NTRK1: variants seen among roughly 807,000 people sequenced by gnomAD.
NTRK1 encodes high affinity nerve growth factor receptor.
In NTRK1, 62 loss-of-function variants were observed where a neutral mutation model predicts 86.8. The ratio of observed to expected loss-of-function variants is 0.71; its 90% CI spans 0.58 to 0.88. NTRK1 has a LOEUF of 0.88. Ranked by LOEUF, NTRK1 falls within the 40% of genes least tolerant of loss-of-function variation. The pLI is 0.00. For missense variants in NTRK1, 967 were observed against 1,078.4 expected, an observed-to-expected ratio of 0.90 and a Z score of 1.45; for synonymous variants, 469 against 456.6, an observed-to-expected ratio of 1.03 and a Z score of -0.35.
chr1:156,879,460 C>A (rs2102925846), intron 15 of NTRK1, 98 bp downstream of exon 15: 1 of 1,465,328 alleles, frequency 6.8e-7, no homozygotes, highest in Non-Finnish European at 9.2e-7. Flanking sequence ...AGGATGGCTG[C>A]ATGGGTCTGA....
At chr1:156,871,160 A>G (rs1289395213) in intron 6 of NTRK1, among the ~76,000 whole-genome samples, 1 of 152,184 alleles carries the variant, frequency 6.6e-6, no homozygotes, top group East Asian at 1.9e-4. Context: ...GATGCGTGAC[A>G]TCTGTTTAGC....
At chr1:156,823,157 A>C (rs959935224) in intron 1 of NTRK1, among the ~76,000 whole-genome samples, 3 of 152,212 alleles carry the variant, frequency 2.0e-5, no homozygotes, top group Non-Finnish European at 2.9e-5. Context: ...ATGCATTCAC[A>C]AATAAGTTGC....
At chr1:156,849,513 G>GC in intron 2 of NTRK1, 89 of 486,068 alleles carry the variant, frequency 1.8e-4, no homozygotes, top group Middle Eastern at 1.1e-3. Flanking sequence ...CAGGGGGTGG[G>GC]AAAGGGGATG....
rs563939028 is a variant in NTRK1 at position 156,816,907 on chromosome 1, C to T, written c.-64+1069C>T. ...GATTGTCCCACCCCCGGAAGCCACGCAGCTGTAGATAGCGGTGGTATAGCG... is the reference window on the plus strand; with the variant it reads ...GATTGTCCCACCCCCGGAAGCCACGTAGCTGTAGATAGCGGTGGTATAGCG... On this transcript the variant is annotated intron_variant, in intron 1 of 16. Coordinates refer to the NTRK1 transcript ENST00000392302. 461 of 444,018 alleles carry T rather than the reference C, an allele frequency of 1.0e-3. 10 individuals carry two copies. In the South Asian group the frequency reaches 0.023, roughly 22 times the overall value. 27.5% of individuals were successfully genotyped at this position (444,018 alleles called of 1,614,324 possible).
chr1:156,876,333 T>C (rs1647905825), intron 13 of NTRK1, 67 bp from the exon 14 acceptor site: 1 of 1,609,926 alleles, frequency 6.2e-7, no homozygotes, highest in South Asian at 1.1e-5. Context: ...GTGGGCGGGC[T>C]GCCCTGGGTG....
chr1:156,879,307 T>C lies in NTRK1; in HGVS notation c.1991T>C (p.Val664Ala), dbSNP rs1355186673. ...TGTCTAGTGGGCCAGGGACTGGTGG[T>C]CAAGATTGGTGATTTTGGCATGAGC... ...RNCLVGQGLV[V>A]KIGDFGMSRD... The change falls in exon 15 of 17, where the codon GTC becomes GCC. Residue 664 changes from valine (V) to alanine (A), a missense_variant. Coordinates refer to ENST00000524377, the MANE Select transcript of NTRK1 (RefSeq NM_002529.4). 1 of 1,612,910 alleles carries C rather than the reference T, an allele frequency of 6.2e-7. No individual in the cohort carries two copies.
At chr1:156,845,960 C>T (rs1228589582) in intron 2 of NTRK1, 1 of 1,612,424 alleles carries the variant, frequency 6.2e-7, no homozygotes, top group Admixed American at 1.7e-5. Context: ...ACCGCGGTGG[C>T]AGTAGTCATT....
At chr1:156,879,550 A>G (rs1335617293) in intron 15 of NTRK1, among the ~76,000 whole-genome samples, 188 bp downstream of exon 15, 1 of 152,006 alleles carries the variant, frequency 6.6e-6, no homozygotes, top group East Asian at 1.9e-4. Context: ...TCCCAGATGG[A>G]AACAGCACCT....
At position 156,868,186 on chromosome 1, in the gene NTRK1, C is replaced by A. The variant is rs200655463; in HGVS notation, c.511C>A (p.Pro171Thr). The change falls in exon 5 of 17, where the codon CCT becomes ACT. Residue 171 changes from proline (P) to threonine (T), a missense_variant. By Grantham distance (38) the Pro-to-Thr change is conservative. Transcript: ENST00000524377. The part of the protein sequence containing the change: ...RWEEEGLGGV[P>T]EQKLQCHGQG... Reference sequence around the variant, plus strand: ...GGAGGAGGAGGGACTGGGCGGAGTGCCTGAACAGAAGCTGCAGTGTCATGG... The same window carrying A: ...GGAGGAGGAGGGACTGGGCGGAGTGACTGAACAGAAGCTGCAGTGTCATGG... The A allele has an allele frequency of 4.5e-5, 72 of 1,613,504 alleles. 1 individual carries two copies. The East Asian group carries it at 1.6e-3, about 35-fold the overall frequency.
chr1:156,850,530 C>T (rs1278316751), intron 2 of NTRK1, among the ~76,000 whole-genome samples: 15 of 107,150 alleles, frequency 1.4e-4, no homozygotes, highest in African/African-American at 5.8e-4. Context: ...TAATTTAAAA[C>T]ATTCTTTTTT....
intron 4 of NTRK1, among the ~76,000 whole-genome samples, chr1:156,867,347 G>C (rs537107647): frequency 6.6e-6 from 1 of 152,342 alleles, no homozygotes; most frequent in Admixed American, 6.5e-5. Flanking sequence ...GGGTCACTCT[G>C]GGGGGCTGTG....
chr1:156,841,204 G>T, intron 1 of NTRK1: 1 of 1,041,346 alleles, frequency 9.6e-7, no homozygotes, highest in Non-Finnish European at 1.4e-6. Context: ...GGGATCGTGG[G>T]CCATTATGCC....
chr1:156,865,774 GT>G (rs1333881051), intron 3 of NTRK1, among the ~76,000 whole-genome samples: 3 of 152,174 alleles, frequency 2.0e-5, no homozygotes, highest in Admixed American at 6.5e-5. Flanking sequence ...GAGGGCAGGA[GT>G]TCAGCTCCCC....
chr1:156,843,385 C>T, intron 2 of NTRK1: 1 of 1,605,212 alleles, frequency 6.2e-7, no homozygotes, highest in Non-Finnish European at 8.5e-7. Context: ...CCTCTCCTGT[C>T]TCCCTTTCCC....
In NTRK1 at chr1:156,860,875, C is replaced by T. The variant is rs1309379145; in HGVS notation, c.-60C>T. ...AGCGCACATGTCGGGGGAGGCCTGGCAGCTGCAGCTGGGAGCGCACAGACG... is the reference window on the plus strand; with the variant it reads ...AGCGCACATGTCGGGGGAGGCCTGGTAGCTGCAGCTGGGAGCGCACAGACG... On this transcript the variant is annotated 5_prime_UTR_variant, in exon 1 of 17. Coordinates refer to ENST00000524377, the MANE Select transcript of NTRK1 (RefSeq NM_002529.4). The T allele has an allele frequency of 7.2e-7, 1 of 1,389,718 alleles. No homozygotes were observed. Among genetic ancestry groups the T allele is most frequent in the Non-Finnish European group, 9.2e-7 (1 of 1,083,398 alleles). 86.1% of individuals were successfully genotyped at this position (1,389,718 alleles called of 1,614,324 possible). A position where few individuals can be genotyped will look rare whatever the true frequency, so the allele number is the denominator to read the frequency against.
chr1:156,851,263 G>A (rs771295277), intron 2 of NTRK1: 1 of 1,613,670 alleles, frequency 6.2e-7, no homozygotes, highest in South Asian at 1.1e-5. Flanking sequence ...TGTAATAGAA[G>A]GAGCTGGTCA....
At chr1:156,844,797 G>C (rs1202596568) in intron 2 of NTRK1, 1 of 1,614,146 alleles carries the variant, frequency 6.2e-7, no homozygotes, top group African/African-American at 1.3e-5. Flanking sequence ...CACTGTTCTT[G>C]CTGGAGGCCT....
At position 156,860,956 on chromosome 1, in the gene NTRK1, G is replaced by A. The variant is rs894958112; in HGVS notation, c.22G>A (p.Gly8Arg). Reference protein sequence around the residue: MLRGGRRGQLGWHSWAAG... With the variant: MLRGGRRRQLGWHSWAAG... ...CGCGATGCTGCGAGGCGGACGGCGC[G>A]GGCAGCTTGGCTGGCACAGCTGGGC... Residue 8 changes from glycine to arginine, a missense_variant, in exon 1 of 17, where the codon GGG becomes AGG. Physicochemically the swap from Gly to Arg is moderately radical, Grantham distance 125 (BLOSUM62 -2). Around this residue, in one of 2 missense-constraint regions of NTRK1, gnomAD observed 330 missense variants for 302.0 expected, o/e 1.09. Coordinates refer to ENST00000524377, the MANE Select transcript of NTRK1 (RefSeq NM_002529.4). 2.7e-6 allele frequency: 4 copies of A among 1,502,802 alleles called. No homozygotes were observed. The highest frequency in any genetic ancestry group is 1.4e-5 in the African/African-American group (1 of 69,146). The allele number at this position is 1,502,802 out of a possible 1,614,324, so 93.1% of individuals were successfully genotyped here.
Position 156,819,644 on chromosome 1 carries a change from T to C in NTRK1, c.-64+3806T>C, listed in dbSNP as rs368274032. On this transcript the variant is annotated intron_variant, in intron 1 of 16. Transcript: ENST00000392302. ...AACAGATTCTCCTGCCTCAGCTTCC[T>C]GAGTAGCTGGGATTACAGGCATGCG... Among the ~76,000 whole-genome samples, 7 of 151,982 alleles carry C rather than the reference T, an allele frequency of 4.6e-5. No individual in the cohort carries two copies. The East Asian group carries it at 1.4e-3, about 29-fold the overall frequency.
Sources: allele counts gnomAD v4.1 joint callset (sites outside exome capture counted in the v4.1 genomes callset), GRCh38; gene constraint gnomAD v4.1.1; regional missense constraint gnomAD v4.1.1; transcripts MANE v1.5; gene names NCBI Gene and HGNC (gene_info 2026-07-23, HGNC 2026-07-21).